SLIT1: variants seen among roughly 807,000 people sequenced by gnomAD.
SLIT1 encodes the protein slit guidance ligand 1, also known as slit homolog 1 protein.
SLIT1 carries 66 observed loss-of-function variants against 186.1 expected under a neutral mutation model. The observed-to-expected ratio is 0.35, with a 90% CI of 0.29 to 0.44. The LOEUF is 0.44. SLIT1 is among the 20% of genes least tolerant of loss of function. The pLI, the probability that SLIT1 is intolerant of heterozygous loss-of-function variation, is 1.00. For synonymous variants in SLIT1, 761 were observed against 833.8 expected (o/e 0.91, Z 1.50); for missense variants, 1,638 against 2,037.4 (o/e 0.80, Z 3.77).
intron 25 of SLIT1, among the ~76,000 whole-genome samples, chr10:97,029,746 C>T (rs1017095215): frequency 5.9e-5 from 9 of 152,182 alleles, no homozygotes; most frequent in African/African-American, 2.2e-4. Context: ...ACATTTTCAT[C>T]ACCCCAAAAG....
At chr10:97,138,704 G>A (rs1289936963) in intron 4 of SLIT1, among the ~76,000 whole-genome samples, 1 of 151,872 alleles carries the variant, frequency 6.6e-6, no homozygotes, top group Admixed American at 6.6e-5. Flanking sequence ...ACACCCAGGT[G>A]TGGTGACCAA....
intron 2 of SLIT1, 91 bp from the exon 3 acceptor site, chr10:97,163,542 T>C: frequency 9.5e-7 from 1 of 1,051,280 alleles, no homozygotes; most frequent in Non-Finnish European, 1.5e-6. Context: ...AGGCAACCTC[T>C]GCCAGGGCAG....
chr10:97,149,620 T>C (rs1340904902), intron 4 of SLIT1, among the ~76,000 whole-genome samples: 1 of 152,114 alleles, frequency 6.6e-6, no homozygotes, highest in Non-Finnish European at 1.5e-5. Context: ...TGACTCAGAA[T>C]CTCTGAGTGT....
chr10:97,004,330 T>C lies in SLIT1; in HGVS notation c.3711-108A>G, dbSNP rs1848339993. On this transcript the variant is annotated intron_variant, in intron 33 of 36. Coordinates refer to ENST00000266058, the MANE Select transcript of SLIT1 (RefSeq NM_003061.3). This position sits in a 1 kb window ranked among gnomAD's most constrained non-coding sequence, Gnocchi z 5.1. ...AGTAGCTGCTTCCCAGGAGACCAAA[T>C]ATCTAAGGAAAAGGACTGTGGGGGC... 1 of 1,131,288 alleles carries C rather than the reference T, an allele frequency of 8.8e-7. No individual in the cohort carries two copies. The highest frequency in any genetic ancestry group is 1.5e-5 in the South Asian group (1 of 66,774). 70.1% of individuals were successfully genotyped at this position (1,131,288 alleles called of 1,614,324 possible).
intron 28 of SLIT1, among the ~76,000 whole-genome samples, chr10:97,017,202 G>A (rs1589364034): frequency 1.3e-5 from 2 of 152,140 alleles, no homozygotes; most frequent in South Asian, 2.1e-4. Flanking sequence ...AGGAGGGCGC[G>A]CCCAGGGAGT....
chr10:97,062,831 G>A (rs1380699177), intron 8 of SLIT1, among the ~76,000 whole-genome samples: 7 of 152,238 alleles, frequency 4.6e-5, no homozygotes, highest in African/African-American at 2.4e-5. Context: ...CCAGACTTGC[G>A]GGTTCTTTTT....
intron 4 of SLIT1, among the ~76,000 whole-genome samples, chr10:97,120,560 G>A (rs1383980419): frequency 6.6e-6 from 1 of 152,240 alleles, no homozygotes; most frequent in African/African-American, 2.4e-5. Flanking sequence ...CACACCGTGT[G>A]CACGGGCGGC....
chr10:97,140,264 GC>G (rs913626875), intron 4 of SLIT1, among the ~76,000 whole-genome samples: 3 of 152,046 alleles, frequency 2.0e-5, no homozygotes, highest in African/African-American at 7.2e-5. Context: ...CCCATTAGTT[GC>G]CATGTGTTTT....
chr10:97,003,536 C>T (rs1344714026), intron 34 of SLIT1, among the ~76,000 whole-genome samples: 1 of 152,226 alleles, frequency 6.6e-6, no homozygotes. Flanking sequence ...CTGCCCCAGC[C>T]TCAGCACGCC....
chr10:97,122,648 G>C (rs1263279577), intron 4 of SLIT1, among the ~76,000 whole-genome samples: 2 of 152,202 alleles, frequency 1.3e-5, no homozygotes, highest in African/African-American at 4.8e-5. Flanking sequence ...TACAAGCCCA[G>C]AGTGGAGTGT....
intron 35 of SLIT1, 25 bp downstream of exon 35, chr10:97,002,679 G>T: frequency 1.3e-6 from 2 of 1,536,506 alleles, no homozygotes; most frequent in Non-Finnish European, 1.8e-6. Context: ...CAGGGGCAAG[G>T]GCTCCCCCAG....
Position 97,004,234 on chromosome 10 carries a change from G to C in SLIT1, c.3711-12C>G. ...TGATCGTCTCAGCACTGGAGGAAGA[G>C]GGGGTTCCCCGTTCCAGGGAGTGGG... is the stretch of plus-strand genomic sequence containing the variant. On this transcript the variant is annotated splice_polypyrimidine_tract_variant and intron_variant, in intron 33 of 36. Transcript: ENST00000266058. This position sits in a 1 kb window ranked among gnomAD's most constrained non-coding sequence, Gnocchi z 5.1. 6.3e-7 allele frequency: 1 copy of C among 1,595,596 alleles called. No individual in the cohort carries two copies. The highest frequency in any genetic ancestry group is 8.6e-7 in the Non-Finnish European group (1 of 1,164,672).
At chr10:97,066,157 G>A in intron 4 of SLIT1, 71 bp from the exon 5 acceptor site, 5 of 1,275,150 alleles carry the variant, frequency 3.9e-6, no homozygotes, top group African/African-American at 2.9e-5. Context: ...GCTGTGATAA[G>A]TCAGGGAAGC....
chr10:97,002,233 G>A lies in SLIT1; in HGVS notation c.4291C>T (p.His1431Tyr). 2 of 1,592,632 alleles carry A rather than the reference G, an allele frequency of 1.3e-6. No homozygotes were observed. Among genetic ancestry groups the A allele is most frequent in the South Asian group, 1.1e-5 (1 of 89,056 alleles). Residue 1431 changes from histidine (H) to tyrosine (Y), a missense_variant, in exon 36 of 37, where the codon CAC (histidine) becomes TAC (tyrosine). This residue lies in a region of SLIT1 where 220 missense variants were observed against 211.3 expected (regional missense o/e 1.04). Transcript: ENST00000266058. ...CCCTTGGTGCCTGAGGCCTGGCAGT[G>A]GCCATGCAGGCACTGCAGGCCTCTG... The part of the protein sequence containing the change: ...PCRGLQCLHG[H>Y]CQASGTKGAH...
chr10:97,092,872 T>C (rs920689305), intron 4 of SLIT1, among the ~76,000 whole-genome samples: 3 of 152,254 alleles, frequency 2.0e-5, no homozygotes, highest in Non-Finnish European at 2.9e-5. Flanking sequence ...CTAAGTGATC[T>C]GCATGCCTCC....
chr10:97,016,214 C>T (rs191734599), intron 28 of SLIT1, among the ~76,000 whole-genome samples: 60 of 151,842 alleles, frequency 4.0e-4, no homozygotes, highest in African/African-American at 1.3e-3. Context: ...GAGGCTGAGG[C>T]AGGAGAATTG....
At chr10:97,132,212 C>T (rs1849661007) in intron 4 of SLIT1, among the ~76,000 whole-genome samples, 1 of 152,162 alleles carries the variant, frequency 6.6e-6, no homozygotes, top group Non-Finnish European at 1.5e-5. Flanking sequence ...ACAGCCTCCT[C>T]CTTTGTCTTC....
intron 9 of SLIT1, 71 bp from the exon 10 acceptor site, chr10:97,060,229 T>G: frequency 8.1e-7 from 1 of 1,239,260 alleles, no homozygotes; most frequent in Non-Finnish European, 1.2e-6. Flanking sequence ...TCTGCTGGGC[T>G]CACCTGCCCT....
At chr10:97,138,834 C>T (rs1024709757) in intron 4 of SLIT1, among the ~76,000 whole-genome samples, 2 of 152,132 alleles carry the variant, frequency 1.3e-5, no homozygotes, top group Non-Finnish European at 2.9e-5. Context: ...TATTTGTTTC[C>T]TTTTACATTC....
Sources: gnomAD v4.1 joint callset for allele counts (sites outside exome capture counted in the v4.1 genomes callset) on GRCh38, gnomAD v4.1.1 for gene constraint, gnomAD v4.1.1 regional missense constraint, Gnocchi (gnomAD v3.1) non-coding constraint, MANE v1.5 for transcripts, NCBI Gene and HGNC (gene_info 2026-07-23, HGNC 2026-07-21) for gene names.